S100PBP: variants seen among roughly 807,000 people sequenced by gnomAD.
S100PBP encodes S100P binding protein, also known as S100P-binding protein.
A neutral mutation model predicts 39.9 loss-of-function variants in S100PBP; 15 were observed. The observed-to-expected ratio is 0.38, with a 90% CI of 0.25 to 0.58. The LOEUF (loss-of-function observed/expected upper bound fraction) is 0.58. Ranked by LOEUF, S100PBP falls within the 20% of genes least tolerant of loss-of-function variation. The pLI, the probability that S100PBP is intolerant of heterozygous loss-of-function variation, is 0.70. For missense variants in S100PBP, 504 were observed against 487.3 expected (o/e 1.03, Z -0.32); for synonymous variants, 178 against 180.3 (o/e 0.99, Z 0.10).
upstream of S100PBP, chr1:32,817,358 T>C: frequency 3.6e-6 from 5 of 1,379,874 alleles, no homozygotes; most frequent in Non-Finnish European, 4.1e-6. Flanking sequence ...TTGCATCAGC[T>C]GGGCTCGGCG....
chr1:32,817,255 C>A, upstream of S100PBP: 2 of 1,613,892 alleles, frequency 1.2e-6, no homozygotes, highest in Non-Finnish European at 1.7e-6. Context: ...GGCTCCGCTA[C>A]CCCTGCTTCC....
chr1:32,821,882 G>A (rs572355867), intron 1 of S100PBP, among the ~76,000 whole-genome samples: 3 of 152,146 alleles, frequency 2.0e-5, no homozygotes, highest in African/African-American at 4.8e-5. Context: ...CAAGTGATCC[G>A]CCCAACTTAG....
At position 32,826,539 on chromosome 1, in the gene S100PBP, CTG is replaced by C. The variant is rs903689750; in HGVS notation, c.442_443del (p.Val148CysfsTer4). ...CTAGAAAAGAATCTTATAAAAGTAACTGTTGCACCATTTAATCCAACAGTTTG... is the reference window on the plus strand; with the variant it reads ...CTAGAAAAGAATCTTATAAAAGTAACTTGCACCATTTAATCCAACAGTTTG... On this transcript the variant is annotated frameshift_variant, in exon 3 of 7. Transcript: ENST00000373475. LOFTEE classifies it high-confidence loss of function. The C allele has an allele frequency of 6.2e-7, 1 of 1,614,010 alleles. No homozygotes were observed. Among genetic ancestry groups the C allele is most frequent in the Non-Finnish European group, 8.5e-7 (1 of 1,180,030 alleles).
rs372174677 is a variant in S100PBP, at chr1:32,842,236, T to TATATATATATAC, written c.1025-10842_1025-10841insTATATATATACA. On this transcript the variant is annotated intron_variant, in intron 5 of 6. Transcript: ENST00000373475. ...ATATATATATGTATATATATATATA[T>TATATATATATAC]ACACACACACACACACACACACACA... Among the ~76,000 whole-genome samples the TATATATATATAC allele has an allele frequency of 3.7e-3, 300 of 80,846 alleles. 1 individual carries two copies. Among genetic ancestry groups the TATATATATATAC allele is most frequent in the Middle Eastern group, 0.017 (2 of 118 alleles). The allele number at this position is 80,846 out of a possible 152,430, so 53.0% of individuals were successfully genotyped here. A position where few individuals can be genotyped will look rare whatever the true frequency, so the allele number is the denominator to read the frequency against.
chr1:32,839,045 C>T (rs768224269), intron 5 of S100PBP, among the ~76,000 whole-genome samples: 4 of 152,180 alleles, frequency 2.6e-5, no homozygotes, highest in Non-Finnish European at 5.9e-5. Flanking sequence ...TCCTCCTCCT[C>T]AGCCTCCTGA....
chr1:32,848,163 C>A (rs553429474), intron 5 of S100PBP, among the ~76,000 whole-genome samples: 4 of 151,966 alleles, frequency 2.6e-5, no homozygotes, highest in African/African-American at 9.7e-5. Flanking sequence ...AAAAATTAGC[C>A]GAGTATGGTG....
At chr1:32,817,566 G>A, upstream of S100PBP, 1 of 523,844 alleles carries the variant, frequency 1.9e-6, no homozygotes. Context: ...CTGCTGGTTT[G>A]CCCTCCCCCT....
chr1:32,830,085 G>A lies in S100PBP; in HGVS notation c.1024+18G>A, dbSNP rs752765447. 6.9e-7 allele frequency: 1 copy of A among 1,452,834 alleles called. No individual in the cohort carries two copies. Among genetic ancestry groups the A allele is most frequent in the Non-Finnish European group, 9.7e-7 (1 of 1,034,580 alleles). 90.0% of individuals were successfully genotyped at this position (1,452,834 alleles called of 1,614,324 possible). On this transcript the variant is annotated intron_variant, in intron 5 of 6. Coordinates refer to ENST00000373475, the MANE Select transcript of S100PBP (RefSeq NM_022753.4). ...TAACCAAGGTAACATGGTACCCAGAGAAAGGCATATAAAACATGTGATGTG... is the reference window on the plus strand; with the variant it reads ...TAACCAAGGTAACATGGTACCCAGAAAAAGGCATATAAAACATGTGATGTG...
chr1:32,818,437 C>T (rs943241595), intron 1 of S100PBP: 11 of 152,326 alleles, frequency 7.2e-5, no homozygotes, highest in African/African-American at 2.4e-4. Flanking sequence ...CAGTTATTAC[C>T]TCAGTGGGCC....
At chr1:32,845,174 G>A (rs954257163) in intron 5 of S100PBP, among the ~76,000 whole-genome samples, 2 of 151,946 alleles carry the variant, frequency 1.3e-5, no homozygotes, top group Admixed American at 6.6e-5. Context: ...ACAGGCGCCC[G>A]CCACCTCACC....
At chr1:32,838,116 C>T (rs377186427) in intron 5 of S100PBP, among the ~76,000 whole-genome samples, 4 of 151,714 alleles carry the variant, frequency 2.6e-5, no homozygotes, top group Non-Finnish European at 4.4e-5. Context: ...CCGAGGCGGG[C>T]GGATCACGAG....
At chr1:32,816,995 T>C (rs1230972126), upstream of S100PBP, 5 of 696,018 alleles carry the variant, frequency 7.2e-6, no homozygotes, top group East Asian at 8.1e-5. Flanking sequence ...GAGCCCACTG[T>C]GATTTCTGGG....
At chr1:32,850,578 ATTGTTT>A (rs1220589707) in intron 5 of S100PBP, among the ~76,000 whole-genome samples, 1 of 152,164 alleles carries the variant, frequency 6.6e-6, no homozygotes, top group Non-Finnish European at 1.5e-5. Flanking sequence ...GAGATTGAAC[ATTGTTT>A]TTATCATGTT....
At chr1:32,839,451 G>C (rs1036247409) in intron 5 of S100PBP, among the ~76,000 whole-genome samples, 1 of 152,142 alleles carries the variant, frequency 6.6e-6, no homozygotes, top group East Asian at 1.9e-4. Context: ...GCATCTACAC[G>C]TATCTTTTTG....
chr1:32,831,758 C>G (rs537641272), intron 5 of S100PBP, among the ~76,000 whole-genome samples: 13 of 152,234 alleles, frequency 8.5e-5, no homozygotes, highest in African/African-American at 3.1e-4. Context: ...TGTCTATATT[C>G]AAGCTCTGTG....
At chr1:32,831,338 A>G (rs930490983) in intron 5 of S100PBP, among the ~76,000 whole-genome samples, 2 of 151,602 alleles carry the variant, frequency 1.3e-5, no homozygotes, top group Non-Finnish European at 2.9e-5. Context: ...TGTGTTTGGG[A>G]AAAGTGGAAG....
chr1:32,848,906 C>A (rs968192034), intron 5 of S100PBP, among the ~76,000 whole-genome samples: 5 of 152,118 alleles, frequency 3.3e-5, no homozygotes, highest in African/African-American at 1.2e-4. Flanking sequence ...CACCTTTTTG[C>A]CACAACTTAA....
chr1:32,832,985 G>GTT (rs34030024), intron 5 of S100PBP, among the ~76,000 whole-genome samples: 10 of 148,376 alleles, frequency 6.7e-5, no homozygotes, highest in South Asian at 2.1e-4. Context: ...TGCCCCATGG[G>GTT]TTTTTTTTTT....
intron 5 of S100PBP, among the ~76,000 whole-genome samples, chr1:32,848,310 A>G (rs1261490679): frequency 6.6e-6 from 1 of 152,142 alleles, no homozygotes; most frequent in African/African-American, 2.4e-5. Flanking sequence ...CCGTCTCAAA[A>G]AAAAATAAAG....
Sources: gnomAD v4.1 joint callset for allele counts (sites outside exome capture counted in the v4.1 genomes callset) on GRCh38, gnomAD v4.1.1 for gene constraint, MANE v1.5 for transcripts, NCBI Gene and HGNC (gene_info 2026-07-23, HGNC 2026-07-21) for gene names.